Variants in RALA observed in about 807,000 individuals in gnomAD.
The protein encoded by RALA is ras-related protein Ral-A.
A neutral mutation model predicts 24.0 loss-of-function variants in RALA; 5 were observed. That is an observed-to-expected ratio of 0.21 (90% confidence interval 0.11 to 0.44). The LOEUF is 0.44. RALA is among the 20% of genes least tolerant of loss of function. RALA has a pLI of 0.99. For synonymous variants in RALA, 77 were observed against 83.8 expected (o/e 0.92, Z 0.44); for missense variants, 95 against 241.2 (o/e 0.39, Z 4.01).
chr7:39,694,879 CA>C (rs201474325), intron 3 of RALA, among the ~76,000 whole-genome samples: 2 of 149,348 alleles, frequency 1.3e-5, no homozygotes, highest in Admixed American at 1.3e-4. Context: ...CCCATCTCTA[CA>C]AAAAAAAGAA....
chr7:39,693,691 A>G (rs956437303), intron 3 of RALA, among the ~76,000 whole-genome samples: 5 of 152,224 alleles, frequency 3.3e-5, no homozygotes, highest in African/African-American at 9.7e-5. Flanking sequence ...TACTGCATAT[A>G]TTTAATAGTA....
In RALA at chr7:39,693,261, C is replaced by T. The variant is rs1792862309; in HGVS notation, c.323+2671C>T. On this transcript the variant is annotated intron_variant, in intron 3 of 4. Transcript: ENST00000005257. ...CCATAAAAAAGGATGAGTTCATGTC[C>T]TTCGCAGGGACATGGATGAAGCTGG... 1.3e-5 allele frequency among the ~76,000 whole-genome samples: 2 copies of T among 152,164 alleles called. 1 individual carries two copies. The highest frequency in any genetic ancestry group is 4.1e-4 in the South Asian group (2 of 4,822).
chr7:39,670,658 C>G lies in RALA; in HGVS notation c.-37-15973C>G, dbSNP rs551807802. 2.1e-4 allele frequency among the ~76,000 whole-genome samples: 32 copies of G among 152,214 alleles called. No homozygotes were observed. The South Asian group carries it at 6.6e-3, about 32-fold the overall frequency. On this transcript the variant is annotated intron_variant, in intron 1 of 4. Coordinates refer to ENST00000005257, the MANE Select transcript of RALA (RefSeq NM_005402.4). ...TCTAAACTATATCTTATTTTGAAAA[C>G]ACAGGGGTTTAAAAACAAATATTAA...
intron 1 of RALA, among the ~76,000 whole-genome samples, chr7:39,651,029 C>T (rs1018709396): frequency 3.9e-5 from 6 of 152,190 alleles, no homozygotes; most frequent in Admixed American, 2.0e-4. Flanking sequence ...AAGTGACATG[C>T]CTTTACTTCT....
chr7:39,667,449 G>A (rs1792304234), intron 1 of RALA, among the ~76,000 whole-genome samples: 1 of 152,234 alleles, frequency 6.6e-6, no homozygotes, highest in African/African-American at 2.4e-5. Flanking sequence ...GACTTTCTAG[G>A]TTGTAGAAGA....
At chr7:39,705,985 C>A in intron 4 of RALA, 138 bp from the exon 5 acceptor site, 1 of 692,632 alleles carries the variant, frequency 1.4e-6, no homozygotes, top group Non-Finnish European at 2.2e-6. Flanking sequence ...TAGTTTTATG[C>A]TTTCCGCTCT....
chr7:39,670,195 A>G (rs1792356028), intron 1 of RALA, among the ~76,000 whole-genome samples: 1 of 152,208 alleles, frequency 6.6e-6, no homozygotes, highest in African/African-American at 2.4e-5. Context: ...GCCTAGGCCA[A>G]AGTACAGTTG....
intron 1 of RALA, among the ~76,000 whole-genome samples, chr7:39,682,723 A>G (rs905761417): frequency 6.6e-6 from 1 of 151,960 alleles, no homozygotes; most frequent in Non-Finnish European, 1.5e-5. Context: ...GCTCACTGCA[A>G]CCTCCGCCTC....
intron 1 of RALA, among the ~76,000 whole-genome samples, chr7:39,645,805 A>G (rs1274767603): frequency 6.6e-6 from 1 of 152,208 alleles, no homozygotes; most frequent in Admixed American, 6.5e-5. Flanking sequence ...TGAGTTTGAC[A>G]TTGAATGTTC....
chr7:39,638,152 G>A (rs1005362056), intron 1 of RALA, among the ~76,000 whole-genome samples: 2 of 152,134 alleles, frequency 1.3e-5, no homozygotes, highest in African/African-American at 4.8e-5. Context: ...AGGCTGGAGT[G>A]CAATGGTGTG....
chr7:39,665,895 C>T (rs898237483), intron 1 of RALA, among the ~76,000 whole-genome samples: 11 of 151,778 alleles, frequency 7.2e-5, no homozygotes, highest in Middle Eastern at 3.4e-3. Context: ...TGTCCTAGGG[C>T]ACATTTTTAA....
chr7:39,675,305 A>G (rs1210475539), intron 1 of RALA, among the ~76,000 whole-genome samples: 4 of 152,332 alleles, frequency 2.6e-5, no homozygotes, highest in Non-Finnish European at 5.9e-5. Flanking sequence ...ATGAGGTCAC[A>G]TGAGGTCAGG....
intron 1 of RALA, among the ~76,000 whole-genome samples, chr7:39,681,790 TC>T (rs1023411968): frequency 1.3e-5 from 2 of 152,210 alleles, no homozygotes; most frequent in African/African-American, 4.8e-5. Flanking sequence ...ATCTCTACCC[TC>T]ATCCCTGAAC....
At chr7:39,697,302 T>G in intron 4 of RALA, 1 of 450,338 alleles carries the variant, frequency 2.2e-6, no homozygotes, top group Non-Finnish European at 4.5e-6. Context: ...TTAAAATCTC[T>G]CCTGCCACTC....
At chr7:39,674,785 T>C (rs1196091840) in intron 1 of RALA, among the ~76,000 whole-genome samples, 2 of 152,010 alleles carry the variant, frequency 1.3e-5, no homozygotes, top group Non-Finnish European at 2.9e-5. Context: ...TTATATACAC[T>C]TTATACATAT....
intron 4 of RALA, 128 bp downstream of exon 4, chr7:39,696,987 C>A: frequency 1.1e-6 from 1 of 885,144 alleles, no homozygotes; most frequent in Non-Finnish European, 1.7e-6. Context: ...TTTTTATCAT[C>A]CCTGAATACT....
chr7:39,706,432 C>A lies in RALA; in HGVS notation c.*187C>A. 2 of 559,962 alleles carry A rather than the reference C, an allele frequency of 3.6e-6. No individual in the cohort carries two copies. Among genetic ancestry groups the A allele is most frequent in the Non-Finnish European group, 6.1e-6 (2 of 328,674 alleles). The allele number at this position is 559,962 out of a possible 1,614,324, so 34.7% of individuals were successfully genotyped here. ...TAAAAAGAAATTAATATGGCTTCACCAAGAAGCAAAGTTCAACTTATTTCA... is the reference window on the plus strand; with the variant it reads ...TAAAAAGAAATTAATATGGCTTCACAAAGAAGCAAAGTTCAACTTATTTCA... On this transcript the variant is annotated 3_prime_UTR_variant, in exon 5 of 5. Coordinates refer to ENST00000005257, the MANE Select transcript of RALA (RefSeq NM_005402.4).
intron 1 of RALA, among the ~76,000 whole-genome samples, chr7:39,627,331 A>G (rs1791510059): frequency 6.6e-6 from 1 of 152,180 alleles, no homozygotes; most frequent in African/African-American, 2.4e-5. Flanking sequence ...AGTTTCTGAA[A>G]GTCAAGAGGG....
chr7:39,677,158 A>G (rs1184281974), intron 1 of RALA, among the ~76,000 whole-genome samples: 2 of 152,244 alleles, frequency 1.3e-5, no homozygotes, highest in Non-Finnish European at 2.9e-5. Context: ...GGGATGCCCC[A>G]GGCTCTAGAA....
Sources: allele counts gnomAD v4.1 joint callset (sites outside exome capture counted in the v4.1 genomes callset), GRCh38; gene constraint gnomAD v4.1.1; transcripts MANE v1.5; gene names NCBI Gene and HGNC (gene_info 2026-07-23, HGNC 2026-07-21).